The following GREM2 variants were observed in gnomAD, a reference collection of about 807,000 sequenced individuals.
GREM2 encodes the protein gremlin 2, DAN family BMP antagonist.
Under a neutral mutation model 14.2 loss-of-function variants are expected in GREM2, and 11 were observed. The observed-to-expected ratio is 0.78, with a 90% CI of 0.49 to 1.28. The LOEUF is 1.28. GREM2 is among the 50% of genes most tolerant of loss of function. The pLI, the probability that GREM2 is intolerant of heterozygous loss-of-function variation, is 0.00. For synonymous variants in GREM2, 98 were observed against 97.6 expected (o/e 1.00, Z -0.02); for missense variants, 210 against 218.5 (o/e 0.96, Z 0.24).
chr1:240,577,602 C>A (rs892589536), intron 1 of GREM2, among the ~76,000 whole-genome samples: 1 of 152,188 alleles, frequency 6.6e-6, no homozygotes, highest in African/African-American at 2.4e-5. Flanking sequence ...AACTTGAAAA[C>A]CTCAACTTGA....
At chr1:240,529,749 A>C (rs1412398806) in intron 1 of GREM2, among the ~76,000 whole-genome samples, 1 of 152,134 alleles carries the variant, frequency 6.6e-6, no homozygotes, top group Admixed American at 6.6e-5. Context: ...TTTCTGAGAG[A>C]AGATGCTTTG....
In GREM2 at chr1:240,546,227, T is replaced by G. The variant is rs1200638905; in HGVS notation, c.-1-52751A>C. 4.6e-5 allele frequency among the ~76,000 whole-genome samples: 7 copies of G among 151,750 alleles called. No homozygotes were observed. In the East Asian group the frequency reaches 1.4e-3, roughly 29 times the overall value. ...GGTGGCACATGCCTATAATCCCAGA[T>G]CCTTGGAAGGCTGAGGCAGGAGAAT... On this transcript the variant is annotated intron_variant, in intron 1 of 1. Coordinates refer to ENST00000318160, the MANE Select transcript of GREM2 (RefSeq NM_022469.4).
chr1:240,571,806 C>A (rs1018755727), intron 1 of GREM2, among the ~76,000 whole-genome samples: 11 of 152,158 alleles, frequency 7.2e-5, no homozygotes, highest in African/African-American at 2.7e-4. Flanking sequence ...CTTAGTGGAC[C>A]TTCAAATGCC....
intron 1 of GREM2, among the ~76,000 whole-genome samples, chr1:240,600,336 T>C (rs1679898183): frequency 1.3e-5 from 2 of 152,156 alleles, no homozygotes; most frequent in African/African-American, 4.8e-5. Context: ...AGTGGCACAG[T>C]GTAAATTTCC....
intron 1 of GREM2, among the ~76,000 whole-genome samples, chr1:240,545,833 T>G (rs957408297): frequency 5.9e-5 from 9 of 152,210 alleles, no homozygotes; most frequent in African/African-American, 2.2e-4. Flanking sequence ...TTCCTTTGTC[T>G]TCGGATTCTA....
chr1:240,509,290 T>A (rs1051189506), intron 1 of GREM2, among the ~76,000 whole-genome samples: 5 of 151,504 alleles, frequency 3.3e-5, no homozygotes, highest in Non-Finnish European at 7.4e-5. Flanking sequence ...CCTGGCTCAC[T>A]CCAACTCAGG....
In GREM2 at chr1:240,525,768, C is replaced by T. The variant is rs139552607; in HGVS notation, c.-1-32292G>A. On this transcript the variant is annotated intron_variant, in intron 1 of 1. Transcript: ENST00000318160. ...TGTTGCGATTACAGGCGTGAGCCAC[C>T]GCGCCCAGTTCTAATCTTACTATCT... 2.1e-3 allele frequency among the ~76,000 whole-genome samples: 322 copies of T among 152,296 alleles called. 2 individuals are homozygous for T. The highest frequency in any genetic ancestry group is 0.011 in the East Asian group (55 of 5,166).
Position 240,527,142 on chromosome 1 carries a change from A to C in GREM2, c.-1-33666T>G, listed in dbSNP as rs774370057. ...AGTAATTTGTATCCCTGACATGTTGATTAATCCTTTTCTAGATCTGGTGGT... is the reference window on the plus strand; with the variant it reads ...AGTAATTTGTATCCCTGACATGTTGCTTAATCCTTTTCTAGATCTGGTGGT... On this transcript the variant is annotated intron_variant, in intron 1 of 1. Transcript: ENST00000318160. Among the ~76,000 whole-genome samples, 68 of 152,184 alleles carry C rather than the reference A, an allele frequency of 4.5e-4. 1 individual carries two copies. The highest frequency in any genetic ancestry group is 8.2e-4 in the Non-Finnish European group (56 of 68,036).
chr1:240,545,446 G>A (rs545591375), intron 1 of GREM2, among the ~76,000 whole-genome samples: 8 of 105,778 alleles, frequency 7.6e-5, no homozygotes, highest in African/African-American at 3.3e-4. Flanking sequence ...CCCTGAGTTC[G>A]GTGTGCTGCT....
At chr1:240,577,213 T>A (rs1679389367) in intron 1 of GREM2, among the ~76,000 whole-genome samples, 1 of 152,224 alleles carries the variant, frequency 6.6e-6, no homozygotes, top group Non-Finnish European at 1.5e-5. Flanking sequence ...GAAGTTCCAT[T>A]CCTGAAAACT....
intron 1 of GREM2, among the ~76,000 whole-genome samples, chr1:240,564,441 GA>G (rs1170883528): frequency 2.0e-5 from 3 of 150,266 alleles, no homozygotes; most frequent in African/African-American, 7.4e-5. Flanking sequence ...CTGGGAGATG[GA>G]GGTTGCAATG....
chr1:240,534,991 A>T (rs1031355218), intron 1 of GREM2, among the ~76,000 whole-genome samples: 1 of 152,178 alleles, frequency 6.6e-6, no homozygotes, highest in Non-Finnish European at 1.5e-5. Flanking sequence ...CTGTTTCTGT[A>T]TGTTGATCAT....
At chr1:240,578,251 G>C (rs555785629) in intron 1 of GREM2, among the ~76,000 whole-genome samples, 1 of 151,838 alleles carries the variant, frequency 6.6e-6, no homozygotes, top group Admixed American at 6.6e-5. Flanking sequence ...TCAGCCTTCC[G>C]AGTAGCTGGG....
intron 1 of GREM2, among the ~76,000 whole-genome samples, chr1:240,495,400 A>T (rs538115767): frequency 1.3e-5 from 2 of 152,340 alleles, no homozygotes; most frequent in East Asian, 3.9e-4. Context: ...TATATTTATC[A>T]ATCATGAGTA....
intron 1 of GREM2, among the ~76,000 whole-genome samples, chr1:240,539,316 C>A (rs1010912820): frequency 2.6e-5 from 4 of 152,164 alleles, no homozygotes; most frequent in African/African-American, 9.7e-5. Flanking sequence ...ATGTGCCCAA[C>A]CAGCCAGGAT....
intron 1 of GREM2, among the ~76,000 whole-genome samples, chr1:240,584,073 G>T (rs1333096421): frequency 6.6e-6 from 1 of 151,860 alleles, no homozygotes; most frequent in East Asian, 1.9e-4. Flanking sequence ...CTGCATCAAT[G>T]GATTCAACCA....
chr1:240,591,784 A>G (rs1351168213), intron 1 of GREM2, among the ~76,000 whole-genome samples: 3 of 152,108 alleles, frequency 2.0e-5, no homozygotes, highest in African/African-American at 7.2e-5. Context: ...GAGCTTTTGA[A>G]ACAGCTCCAG....
At chr1:240,494,896 G>T (rs756178397) in intron 1 of GREM2, among the ~76,000 whole-genome samples, 1 of 151,724 alleles carries the variant, frequency 6.6e-6, no homozygotes, top group Admixed American at 6.6e-5. Context: ...GTGAGACTCC[G>T]GCTCAGAAAA....
intron 1 of GREM2, among the ~76,000 whole-genome samples, chr1:240,547,979 C>A (rs1360754021): frequency 6.6e-5 from 10 of 151,642 alleles, no homozygotes; most frequent in Non-Finnish European, 1.3e-4. Context: ...AAGAAAGACG[C>A]GGCTGGGCAT....
Sources: allele counts gnomAD v4.1 joint callset (sites outside exome capture counted in the v4.1 genomes callset), GRCh38; gene constraint gnomAD v4.1.1; transcripts MANE v1.5; gene names NCBI Gene and HGNC (gene_info 2026-07-23, HGNC 2026-07-21).